The following SESN3 variants were observed in gnomAD, a reference collection of about 807,000 sequenced individuals.
SESN3 encodes sestrin-3.
A neutral mutation model predicts 55.3 loss-of-function variants in SESN3; 21 were observed. The ratio of observed to expected loss-of-function variants is 0.38; its 90% confidence interval spans 0.27 to 0.55. The LOEUF is 0.55. Ranked by LOEUF, SESN3 falls within the 20% of genes least tolerant of loss-of-function variation. The probability of loss-of-function intolerance (pLI) is 0.76; values close to 1 mark genes in which losing one functional copy is unlikely to be tolerated. For missense variants in SESN3, 408 were observed against 604.3 expected (o/e 0.68, Z 3.41); for synonymous variants, 181 against 203.1 (o/e 0.89, Z 0.93).
intron 1 of SESN3, among the ~76,000 whole-genome samples, chr11:95,211,526 G>C (rs530897862): frequency 3.9e-5 from 6 of 152,262 alleles, no homozygotes; most frequent in African/African-American, 1.4e-4. Flanking sequence ...CCAGCACTTT[G>C]GGAGGCCAAG....
At chr11:95,198,028 T>A (rs1424922659) in intron 1 of SESN3, among the ~76,000 whole-genome samples, 1 of 152,168 alleles carries the variant, frequency 6.6e-6, no homozygotes, top group Non-Finnish European at 1.5e-5. Flanking sequence ...TCACCATACA[T>A]ACCAGCAACC....
At chr11:95,225,230 T>A (rs1363640756) in intron 1 of SESN3, among the ~76,000 whole-genome samples, 1 of 152,204 alleles carries the variant, frequency 6.6e-6, no homozygotes, top group Non-Finnish European at 1.5e-5. Context: ...AGTCTTTGTA[T>A]AATTATGAAC....
rs1368744225 is a variant in SESN3, at chr11:95,177,279, G to A, written c.1247+440C>T. ...GTTATGTGACCTTATGTAAGCTTAT[G>A]AAGGCACAACCTAGTACAGTTTTGT... On this transcript the variant is annotated intron_variant, in intron 8 of 9. Transcript: ENST00000536441. Among the ~76,000 whole-genome samples, 15 of 152,136 alleles carry A rather than the reference G, an allele frequency of 9.9e-5. 1 individual carries two copies. The highest frequency in any genetic ancestry group is 9.8e-4 in the Admixed American group (15 of 15,264).
intron 1 of SESN3, among the ~76,000 whole-genome samples, chr11:95,202,103 T>C (rs1860470355): frequency 6.6e-6 from 1 of 152,098 alleles, no homozygotes; most frequent in South Asian, 2.1e-4. Flanking sequence ...GGTTCAGTTA[T>C]ATTGTTTCTC....
intron 1 of SESN3, among the ~76,000 whole-genome samples, chr11:95,197,187 A>G (rs1214071328): frequency 6.6e-6 from 1 of 152,178 alleles, no homozygotes; most frequent in Admixed American, 6.5e-5. Flanking sequence ...AACTATATGC[A>G]TGATGTTGTA....
intron 9 of SESN3, among the ~76,000 whole-genome samples, chr11:95,174,769 G>A (rs1859923807): frequency 6.6e-6 from 1 of 152,022 alleles, no homozygotes; most frequent in African/African-American, 2.4e-5. Context: ...TTACAGGCGG[G>A]AGCCACTGCA....
In SESN3 at chr11:95,178,756, T is replaced by C. The variant is rs753452799; in HGVS notation, c.1010A>G (p.Asp337Gly). The change falls in exon 7 of 10, where the codon GAC (aspartate) becomes GGC (glycine). Residue 337 changes from aspartate (D) to glycine (G), a missense_variant. By Grantham distance (94) the Asp-to-Gly change is moderately conservative. This residue lies in a region of SESN3 where 121 missense variants were observed against 204.9 expected (regional missense o/e 0.59). Transcript: ENST00000536441. ...ATGCTCTTCTCCTCGTCTGGCAAAG[T>C]CTTCATACCCAAAACCAGGGTCTTC... ...YIEDPGFGYE[D>G]FARRGEEHLP... The C allele has an allele frequency of 1.2e-6, 2 of 1,613,348 alleles. No homozygotes were observed. Among genetic ancestry groups the C allele is most frequent in the Non-Finnish European group, 1.7e-6 (2 of 1,179,332 alleles).
chr11:95,174,398 T>C lies in SESN3; in HGVS notation c.1393-1057A>G, dbSNP rs539343721. ...ATGTTGCCTATATATTTCTTTCAAA[T>C]AAATATTTTTATGTAACAGTATATT... On this transcript the variant is annotated intron_variant, in intron 9 of 9. Transcript: ENST00000536441. Among the ~76,000 whole-genome samples, 22 of 152,358 alleles carry C rather than the reference T, an allele frequency of 1.4e-4. No homozygotes were observed. In the South Asian group the frequency reaches 3.9e-3, roughly 27 times the overall value.
At position 95,222,568 on chromosome 11, in the gene SESN3, T is replaced by C. The variant is rs558477699; in HGVS notation, c.78+8215A>G. On this transcript the variant is annotated intron_variant, in intron 1 of 9. Transcript: ENST00000536441. Reference sequence around the variant, plus strand: ...AATAAATGTCTTTAAATCAAAATCCTATTTTGCTAACAATAAACTCTCCAT... The same window carrying C: ...AATAAATGTCTTTAAATCAAAATCCCATTTTGCTAACAATAAACTCTCCAT... 5.3e-5 allele frequency among the ~76,000 whole-genome samples: 8 copies of C among 152,300 alleles called. No individual in the cohort carries two copies. In the South Asian group the frequency reaches 1.4e-3, roughly 28 times the overall value.
At chr11:95,178,909 CT>C (rs1275250504) in intron 6 of SESN3, 81 bp from the exon 7 acceptor site, 4 of 744,266 alleles carry the variant, frequency 5.4e-6, no homozygotes, top group Non-Finnish European at 6.7e-6. Context: ...TTTTCTTCCA[CT>C]TTTTAGCTTT....
chr11:95,193,295 T>C (rs993058924), intron 2 of SESN3, among the ~76,000 whole-genome samples, 162 bp downstream of exon 2: 4 of 152,184 alleles, frequency 2.6e-5, no homozygotes, highest in Non-Finnish European at 4.4e-5. Flanking sequence ...CTGTAAATAT[T>C]TGTGAAGCTG....
chr11:95,183,658 G>C (rs1380196073), intron 6 of SESN3, among the ~76,000 whole-genome samples: 1 of 149,148 alleles, frequency 6.7e-6, no homozygotes, highest in African/African-American at 2.5e-5. Flanking sequence ...CTCCACCCTG[G>C]GTGACAGAGC....
Sources: allele counts gnomAD v4.1 joint callset (sites outside exome capture counted in the v4.1 genomes callset), GRCh38; gene constraint gnomAD v4.1.1; regional missense constraint gnomAD v4.1.1; transcripts MANE v1.5; gene names NCBI Gene and HGNC (gene_info 2026-07-23, HGNC 2026-07-21).